The following PIEZO2 variants were observed in gnomAD, a reference collection of about 807,000 sequenced individuals.
PIEZO2 encodes piezo-type mechanosensitive ion channel component 2.
Under a neutral mutation model 337.3 loss-of-function variants are expected in PIEZO2, and 172 were observed. That is an observed-to-expected ratio of 0.51 (90% CI 0.45 to 0.58). The LOEUF is 0.58. PIEZO2 is among the 20% of genes least tolerant of loss of function. The probability of loss-of-function intolerance (pLI) is 0.00; values close to 1 mark genes in which losing one functional copy is unlikely to be tolerated. For synonymous variants in PIEZO2, 1,251 were observed against 1,228.5 expected (o/e 1.02, Z -0.38); for missense variants, 3,028 against 3,391.3 (o/e 0.89, Z 2.66).
chr18:10,904,265 C>T (rs543164876), intron 4 of PIEZO2, among the ~76,000 whole-genome samples: 26 of 152,146 alleles, frequency 1.7e-4, no homozygotes, highest in African/African-American at 6.0e-4. Flanking sequence ...CTTATGGACA[C>T]GTACAGCATG....
At chr18:10,810,059 C>G (rs573587314) in intron 7 of PIEZO2, among the ~76,000 whole-genome samples, 61 of 152,258 alleles carry the variant, frequency 4.0e-4, no homozygotes, top group Non-Finnish European at 8.1e-4. Context: ...ATCTTTGATC[C>G]TAGGCCCGAT....
rs1436006620 is a variant in PIEZO2, at chr18:10,677,944, A to ATTTAACTCT, written c.7953-78_7953-70dup. 1.4e-6 allele frequency: 2 copies of ATTTAACTCT among 1,409,328 alleles called. No homozygotes were observed. Among genetic ancestry groups the ATTTAACTCT allele is most frequent in the East Asian group, 4.8e-5 (2 of 41,820 alleles). The allele number at this position is 1,409,328 out of a possible 1,614,324, so 87.3% of individuals were successfully genotyped here. Reference sequence around the variant, plus strand: ...AGTCTGGAAAAGAGATTTACAACATATTTAACTCTTAATTTGATTAATGTC... The same window carrying ATTTAACTCT: ...AGTCTGGAAAAGAGATTTACAACATATTTAACTCTTTTAACTCTTAATTTGATTAATGTC... On this transcript the variant is annotated intron_variant, in intron 52 of 55. Coordinates refer to ENST00000674853, the MANE Select transcript of PIEZO2 (RefSeq NM_001378183.1). The surrounding 1 kb of genome is among the most constrained non-coding windows in gnomAD (Gnocchi z 4.1).
intron 2 of PIEZO2, among the ~76,000 whole-genome samples, chr18:11,057,928 C>T (rs2037789163): frequency 6.6e-6 from 1 of 152,218 alleles, no homozygotes; most frequent in South Asian, 2.1e-4. Context: ...TGCAACAAAT[C>T]ATCAGCTTAA....
rs1166910082 is a variant in PIEZO2, at chr18:10,888,185, C to T, written c.330-16770G>A. Among the ~76,000 whole-genome samples the T allele has an allele frequency of 1.3e-5, 2 of 152,150 alleles. No individual in the cohort carries two copies. The highest frequency in any genetic ancestry group is 2.9e-5 in the Non-Finnish European group (2 of 68,038). ...GCAAGTAAGCACTTCCTCTTACCTC[C>T]AATAAATCAATTTCTTAGCTAAGTA... On this transcript the variant is annotated intron_variant, in intron 4 of 55. Coordinates refer to ENST00000674853, the MANE Select transcript of PIEZO2 (RefSeq NM_001378183.1). This position sits in a 1 kb window ranked among gnomAD's most constrained non-coding sequence, Gnocchi z 4.1.
rs961735581 is a variant in PIEZO2, at chr18:10,704,746, G to A, written c.6000-94C>T. On this transcript the variant is annotated intron_variant, in intron 41 of 55. Coordinates refer to ENST00000674853, the MANE Select transcript of PIEZO2 (RefSeq NM_001378183.1). ...GTTGCCCAGGCTGGAGTGCAATGGC[G>A]TGATCTTGGCTCACTGCAACCTCCG... The A allele has an allele frequency of 4.6e-5, 65 of 1,410,350 alleles. No homozygotes were observed. The South Asian group carries it at 5.1e-4, about 11-fold the overall frequency. The allele number at this position is 1,410,350 out of a possible 1,614,324, so 87.4% of individuals were successfully genotyped here.
intron 26 of PIEZO2, 93 bp from the exon 27 acceptor site, chr18:10,758,227 C>A: frequency 7.4e-7 from 1 of 1,350,194 alleles, no homozygotes; most frequent in Non-Finnish European, 9.9e-7. Context: ...CAGCCATTCC[C>A]CAGCTCCTAA....
At chr18:11,098,674 G>A (rs2039326537) in intron 1 of PIEZO2, among the ~76,000 whole-genome samples, 1 of 151,458 alleles carries the variant, frequency 6.6e-6, no homozygotes, top group African/African-American at 2.4e-5. Context: ...ATCTCAGAAG[G>A]AGTTTGTTTT....
rs2143811124 is a variant in PIEZO2 at position 10,707,952 on chromosome 18, T to C, written c.5588+323A>G. Among the ~76,000 whole-genome samples, 1 of 152,296 alleles carries C rather than the reference T, an allele frequency of 6.6e-6. No homozygotes were observed. Among genetic ancestry groups the C allele is most frequent in the East Asian group, 1.9e-4 (1 of 5,182 alleles). On this transcript the variant is annotated intron_variant, in intron 40 of 55. Coordinates refer to ENST00000674853, the MANE Select transcript of PIEZO2 (RefSeq NM_001378183.1). The surrounding 1 kb of genome is among the most constrained non-coding windows in gnomAD (Gnocchi z 4.2). ...CTTTGAGTAGTGCCCTCAGAAGCTC[T>C]AAATTATGGAGGAAACATGCTTATG...
At chr18:11,086,276 T>C (rs1598936875) in intron 1 of PIEZO2, among the ~76,000 whole-genome samples, 1 of 152,050 alleles carries the variant, frequency 6.6e-6, no homozygotes, top group East Asian at 1.9e-4. Context: ...ATCCCAGCAC[T>C]TTGGGAGGCT....
rs188828974 is a variant in PIEZO2, at chr18:11,128,896, G to A, written c.64+19629C>T. Among the ~76,000 whole-genome samples, 22 of 152,276 alleles carry A rather than the reference G, an allele frequency of 1.4e-4. No homozygotes were observed. The highest frequency in any genetic ancestry group is 2.8e-4 in the Non-Finnish European group (19 of 68,028). ...TTAAGGGTATGGGATAATAGTGGAA[G>A]GAACAAAGAGTTGGATCAGCCTGAA... On this transcript the variant is annotated intron_variant, in intron 1 of 55. Coordinates refer to ENST00000674853, the MANE Select transcript of PIEZO2 (RefSeq NM_001378183.1). The surrounding 1 kb of genome is among the most constrained non-coding windows in gnomAD (Gnocchi z 4.1).
chr18:10,684,953 T>C (rs2034483986), intron 49 of PIEZO2, among the ~76,000 whole-genome samples: 1 of 152,172 alleles, frequency 6.6e-6, no homozygotes, highest in Admixed American at 6.5e-5. Context: ...TGGCAGCCGC[T>C]GGTAACTCAG....
At chr18:10,951,911 G>T (rs952551892) in intron 3 of PIEZO2, among the ~76,000 whole-genome samples, 4 of 152,192 alleles carry the variant, frequency 2.6e-5, no homozygotes, top group Admixed American at 2.0e-4. Context: ...TATGAGATAT[G>T]AAACAGGAAA....
chr18:10,844,788 CAAAA>C (rs10709952), intron 7 of PIEZO2, among the ~76,000 whole-genome samples: 1 of 116,752 alleles, frequency 8.6e-6, no homozygotes. Context: ...GACTCTGTCT[CAAAA>C]AAAAAAAAAA....
At position 11,109,503 on chromosome 18, in the gene PIEZO2, G is replaced by A. The variant is rs1040725774; in HGVS notation, c.64+39022C>T. On this transcript the variant is annotated intron_variant, in intron 1 of 55. Transcript: ENST00000674853. This position sits in a 1 kb window ranked among gnomAD's most constrained non-coding sequence, Gnocchi z 5.1. ...GGCCGAGGTGGGTGGATCACTTGAG[G>A]TCAGGGGTTTGAGACGACCCTGGCC... 8.5e-5 allele frequency among the ~76,000 whole-genome samples: 13 copies of A among 152,124 alleles called. No individual in the cohort carries two copies. The highest frequency in any genetic ancestry group is 2.9e-4 in the African/African-American group (12 of 41,428).
At position 10,975,072 on chromosome 18, in the gene PIEZO2, G is replaced by A. The variant is rs192849149; in HGVS notation, c.286+4463C>T. Among the ~76,000 whole-genome samples the A allele has an allele frequency of 3.3e-5, 5 of 152,340 alleles. No homozygotes were observed. The East Asian group carries it at 9.7e-4, about 29-fold the overall frequency. On this transcript the variant is annotated intron_variant, in intron 3 of 55. Coordinates refer to ENST00000674853, the MANE Select transcript of PIEZO2 (RefSeq NM_001378183.1). ...AAGCTCACCTGGAACAAGAAAGGAA[G>A]GAGTCATTAATTGAAAAAGGAATAG... is the stretch of plus-strand genomic sequence containing the variant.
At chr18:10,689,543 TG>T in intron 49 of PIEZO2, 111 bp downstream of exon 49, 2 of 1,378,206 alleles carry the variant, frequency 1.5e-6, no homozygotes, top group South Asian at 1.2e-5. Context: ...TTATAGGTTG[TG>T]GTAGTTTTTG....
intron 4 of PIEZO2, among the ~76,000 whole-genome samples, chr18:10,879,474 C>A (rs1389610711): frequency 2.1e-5 from 3 of 143,098 alleles, no homozygotes; most frequent in African/African-American, 7.8e-5. Context: ...CGGCTCACTG[C>A]AAGCTCCGCC....
intron 2 of PIEZO2, among the ~76,000 whole-genome samples, chr18:11,063,698 C>A (rs886280182): frequency 3.3e-5 from 5 of 152,186 alleles, no homozygotes; most frequent in Non-Finnish European, 7.3e-5. Flanking sequence ...GCTCCTAAGG[C>A]TGATTCAAAC....
At chr18:11,082,239 A>C (rs2145990124) in intron 1 of PIEZO2, among the ~76,000 whole-genome samples, 1 of 152,360 alleles carries the variant, frequency 6.6e-6, no homozygotes, top group African/African-American at 2.4e-5. Context: ...GGGAAAGGAA[A>C]TATGTATGAC....
Sources: gnomAD v4.1 joint callset for allele counts (sites outside exome capture counted in the v4.1 genomes callset) on GRCh38, gnomAD v4.1.1 for gene constraint, Gnocchi (gnomAD v3.1) non-coding constraint, MANE v1.5 for transcripts, NCBI Gene and HGNC (gene_info 2026-07-23, HGNC 2026-07-21) for gene names.